RANBP2: variants seen among roughly 807,000 people sequenced by gnomAD.
RANBP2 encodes the protein E3 SUMO-protein ligase RanBP2.
In RANBP2, 57 loss-of-function variants were observed where a neutral mutation model predicts 303.6. That is an observed-to-expected ratio of 0.19 (90% CI 0.15 to 0.23). The LOEUF (loss-of-function observed/expected upper bound fraction) is 0.23, where lower values mean the gene tolerates loss of function less well. Among genes scored for constraint, RANBP2 ranks in the 10% least tolerant of loss-of-function variants. The probability of loss-of-function intolerance (pLI) is 1.00; values close to 1 mark genes in which losing one functional copy is unlikely to be tolerated. For synonymous variants in RANBP2, 1,167 were observed against 1,301.5 expected, an observed-to-expected ratio of 0.90 and a Z score of 2.23; for missense variants, 3,138 against 3,780.8, an observed-to-expected ratio of 0.83 and a Z score of 4.46.
chr2:108,833,062 A>C, the RANBP2 span, among the ~76,000 whole-genome samples: 1 of 152,240 alleles, frequency 6.6e-6, no homozygotes, highest in Non-Finnish European at 1.5e-5. Flanking sequence ...GACATTTTGG[A>C]AAAAGCAAAA....
At chr2:108,942,584 A>C in the RANBP2 span, among the ~76,000 whole-genome samples, 1 of 152,252 alleles carries the variant, frequency 6.6e-6, no homozygotes, top group African/African-American at 2.4e-5. Flanking sequence ...TGGTGCCTTC[A>C]TTTTGTGAGT....
chr2:109,623,081 T>A, the RANBP2 span, among the ~76,000 whole-genome samples: 1 of 152,196 alleles, frequency 6.6e-6, no homozygotes, highest in African/African-American at 2.4e-5. Context: ...GAGCTGAGAT[T>A]GTGCCATTGC....
intron 1 of RANBP2, among the ~76,000 whole-genome samples, chr2:108,723,570 G>A (rs1046593427): frequency 1.8e-4 from 28 of 152,058 alleles, no homozygotes; most frequent in Admixed American, 1.7e-3. Flanking sequence ...CCACCGCGCC[G>A]GGCCCCATTT....
chr2:108,875,925 T>A, the RANBP2 span: 1 of 162,786 alleles, frequency 6.1e-6, no homozygotes, highest in Non-Finnish European at 1.3e-5. Flanking sequence ...TAAAACCTAT[T>A]TTGTTTGTTT....
chr2:108,825,952 A>G, the RANBP2 span, among the ~76,000 whole-genome samples: 1 of 152,208 alleles, frequency 6.6e-6, no homozygotes, highest in Admixed American at 6.5e-5. Flanking sequence ...TTGTCATCTC[A>G]GTGAGTATGA....
At chr2:108,761,752 C>G (rs1451708510) in intron 18 of RANBP2, among the ~76,000 whole-genome samples, 1 of 152,062 alleles carries the variant, frequency 6.6e-6, no homozygotes, top group Non-Finnish European at 1.5e-5. Flanking sequence ...TGGTTCCTTA[C>G]GTCCTTTCTG....
chr2:109,120,610 T>C, the RANBP2 span, among the ~76,000 whole-genome samples: 8 of 134,174 alleles, frequency 6.0e-5, no homozygotes, highest in African/African-American at 2.3e-4. Flanking sequence ...CTCCATGTGG[T>C]GAGCCGAGAT....
the RANBP2 span, among the ~76,000 whole-genome samples, chr2:109,130,370 CT>C: frequency 6.6e-6 from 1 of 152,234 alleles, no homozygotes; most frequent in African/African-American, 2.4e-5. Flanking sequence ...CCCCCGATTC[CT>C]TGGCCGGACT....
At chr2:109,615,587 C>A in the RANBP2 span, 21 of 1,613,536 alleles carry the variant, frequency 1.3e-5, no homozygotes, top group Non-Finnish European at 1.6e-5. Context: ...CCTACGACGC[C>A]GATGTGGACA....
At chr2:109,158,305 G>A in the RANBP2 span, among the ~76,000 whole-genome samples, 1 of 152,232 alleles carries the variant, frequency 6.6e-6, no homozygotes, top group Non-Finnish European at 1.5e-5. Context: ...TCTGGTACAG[G>A]TGAATCAGTG....
At chr2:109,070,729 C>T in the RANBP2 span, among the ~76,000 whole-genome samples, 46 of 151,902 alleles carry the variant, frequency 3.0e-4, no homozygotes, top group South Asian at 6.2e-4. Context: ...TGTGATGGTG[C>T]GCTGCCTATA....
the RANBP2 span, among the ~76,000 whole-genome samples, chr2:109,032,985 A>G: frequency 1.3e-5 from 2 of 152,258 alleles, no homozygotes; most frequent in African/African-American, 2.4e-5. Flanking sequence ...AGGGTGAAAT[A>G]TAAGTCCTTC....
At chr2:108,822,100 A>G in the RANBP2 span, among the ~76,000 whole-genome samples, 5 of 152,290 alleles carry the variant, frequency 3.3e-5, no homozygotes, top group African/African-American at 7.2e-5. Flanking sequence ...TCAGCTGAAA[A>G]TGAAAGGATG....
At chr2:109,097,228 C>T in the RANBP2 span, among the ~76,000 whole-genome samples, 6 of 152,058 alleles carry the variant, frequency 3.9e-5, no homozygotes, top group Non-Finnish European at 8.8e-5. Flanking sequence ...CGCTTGAACC[C>T]GGGAGGTGGA....
At chr2:109,664,568 C>T in the RANBP2 span, among the ~76,000 whole-genome samples, 1 of 151,948 alleles carries the variant, frequency 6.6e-6, no homozygotes, top group African/African-American at 2.4e-5. Context: ...CACACCATTG[C>T]ACTCCACCCT....
the RANBP2 span, chr2:109,565,837 A>G: frequency 2.5e-6 from 4 of 1,614,072 alleles, no homozygotes; most frequent in Admixed American, 1.7e-5. Context: ...CATACTTCCC[A>G]CAACAGCAAA....
intron 4 of RANBP2, 123 bp downstream of exon 4, chr2:108,731,597 C>A: frequency 6.4e-7 from 1 of 1,554,716 alleles, no homozygotes; most frequent in South Asian, 1.2e-5. Context: ...TAAAAATTTT[C>A]TTTTAAAAAG....
chr2:109,695,527 G>T, the RANBP2 span, among the ~76,000 whole-genome samples: 1 of 152,186 alleles, frequency 6.6e-6, no homozygotes, highest in Non-Finnish European at 1.5e-5. Context: ...AGGTGCTACC[G>T]GTGGGGCTGG....
the RANBP2 span, among the ~76,000 whole-genome samples, chr2:109,025,346 C>T: frequency 0.048 from 7,291 of 152,082 alleles, 462 homozygotes; most frequent in African/African-American, 0.14. Flanking sequence ...TTTTCAGTTC[C>T]TTTGGGTATA....
Sources: allele counts gnomAD v4.1 joint callset (sites outside exome capture counted in the v4.1 genomes callset), GRCh38; gene constraint gnomAD v4.1.1; transcripts MANE v1.5; gene names NCBI Gene and HGNC (gene_info 2026-07-23, HGNC 2026-07-21).